The following PPP2R5C variants were observed in gnomAD, a reference collection of about 807,000 sequenced individuals.
PPP2R5C encodes the protein protein phosphatase 2 regulatory subunit B'gamma.
A neutral mutation model predicts 68.9 loss-of-function variants in PPP2R5C; 7 were observed. The observed-to-expected ratio is 0.10, with a 90% confidence interval of 0.06 to 0.19. The LOEUF is 0.19. Ranked by LOEUF, PPP2R5C falls within the 10% of genes least tolerant of loss-of-function variation. PPP2R5C has a pLI of 1.00. For missense variants in PPP2R5C, 348 were observed against 641.3 expected, an observed-to-expected ratio of 0.54 and a Z score of 4.94; for synonymous variants, 210 against 222.2, an observed-to-expected ratio of 0.95 and a Z score of 0.49.
At chr14:101,817,530 A>T (rs933902138) in intron 1 of PPP2R5C, among the ~76,000 whole-genome samples, 10 of 152,088 alleles carry the variant, frequency 6.6e-5, no homozygotes, top group African/African-American at 2.4e-4. Flanking sequence ...ACCGTTTTTG[A>T]TGTTTATTGG....
intron 2 of PPP2R5C, among the ~76,000 whole-genome samples, chr14:101,870,740 C>T (rs2043352594): frequency 6.6e-6 from 1 of 152,204 alleles, no homozygotes; most frequent in Non-Finnish European, 1.5e-5. Context: ...CCATTGACCT[C>T]TTAACAGTGT....
intron 13 of PPP2R5C, among the ~76,000 whole-genome samples, chr14:101,922,884 TTAAG>T (rs1301388041): frequency 2.6e-5 from 4 of 152,174 alleles, no homozygotes; most frequent in Non-Finnish European, 5.9e-5. Flanking sequence ...CTATCTGAAA[TTAAG>T]TAGTAAAGTT....
At chr14:101,817,325 A>G (rs2039784046) in intron 1 of PPP2R5C, among the ~76,000 whole-genome samples, 1 of 152,154 alleles carries the variant, frequency 6.6e-6, no homozygotes, top group Admixed American at 6.5e-5. Context: ...GGTGAAGGAA[A>G]TATCTTTAAA....
Position 101,823,960 on chromosome 14 carries a change from G to C in PPP2R5C, c.94+13924G>C, listed in dbSNP as rs2040243109. 2.3e-6 allele frequency: 3 copies of C among 1,288,638 alleles called. No homozygotes were observed. The South Asian group carries it at 3.7e-5, about 16-fold the overall frequency. The allele number at this position is 1,288,638 out of a possible 1,614,324, so 79.8% of individuals were successfully genotyped here. On this transcript the variant is annotated intron_variant, in intron 1 of 13. Coordinates refer to ENST00000334743, the Ensembl canonical transcript of PPP2R5C. ...CACGAAGGTAAGGTTGTACTTTTAGGGTTTGTGGTTATGGATGAAATTAAC... is the reference window on the plus strand; with the variant it reads ...CACGAAGGTAAGGTTGTACTTTTAGCGTTTGTGGTTATGGATGAAATTAAC...
At chr14:101,856,507 C>CGACTAGCT (rs145275498) in intron 1 of PPP2R5C, among the ~76,000 whole-genome samples, 179 bp from the exon 4 acceptor site, 8,130 of 152,222 alleles carry the variant, frequency 0.053, 282 homozygotes, top group African/African-American at 0.089. Flanking sequence ...ATATGACCAG[C>CGACTAGCT]GACTAGCTGG....
intron 1 of PPP2R5C, among the ~76,000 whole-genome samples, chr14:101,845,838 C>T (rs545865264): frequency 6.6e-6 from 1 of 152,144 alleles, no homozygotes; most frequent in Non-Finnish European, 1.5e-5. Flanking sequence ...GCTGGATAAA[C>T]CACAGCATTG....
At chr14:101,794,316 C>T (rs1422903824) in intron 3 of PPP2R5C, among the ~76,000 whole-genome samples, 3 of 152,020 alleles carry the variant, frequency 2.0e-5, no homozygotes, top group African/African-American at 7.3e-5. Context: ...TAAACAGTTC[C>T]CAAAAACAAT....
chr14:101,812,030 A>G (rs974502387), intron 1 of PPP2R5C, among the ~76,000 whole-genome samples: 23 of 152,244 alleles, frequency 1.5e-4, no homozygotes, highest in African/African-American at 5.1e-4. Context: ...ACCTAAGACT[A>G]ACTTCTGACT....
rs2044295403 is a variant in PPP2R5C, at chr14:101,883,613, C to T, written c.629+51C>T. ...CCTTGTGTGTGGTGATGCTCATTTC[C>T]CCCCTCGATGCTCCCCTACCCCATC... On this transcript the variant is annotated intron_variant, in intron 5 of 13. Coordinates refer to ENST00000334743, the Ensembl canonical transcript of PPP2R5C. The T allele has an allele frequency of 2.5e-6, 4 of 1,592,436 alleles. No homozygotes were observed. In the African/African-American group the frequency reaches 5.4e-5, roughly 22 times the overall value.
chr14:101,872,526 G>T (rs1445934905), intron 2 of PPP2R5C, among the ~76,000 whole-genome samples: 1 of 152,080 alleles, frequency 6.6e-6, no homozygotes, highest in East Asian at 1.9e-4. Flanking sequence ...GGGTGAGCCT[G>T]GTCTTGCCTT....
At chr14:101,767,999 G>T (rs1028903648) in intron 2 of PPP2R5C, among the ~76,000 whole-genome samples, 1 of 152,186 alleles carries the variant, frequency 6.6e-6, no homozygotes, top group African/African-American at 2.4e-5. Flanking sequence ...TAGACCAAGG[G>T]TTCCCATCTG....
At chr14:101,793,632 G>T (rs889035953) in intron 3 of PPP2R5C, among the ~76,000 whole-genome samples, 1 of 152,232 alleles carries the variant, frequency 6.6e-6, no homozygotes, top group African/African-American at 2.4e-5. Flanking sequence ...AAGTGTTGCA[G>T]TACTCTTTTA....
intron 1 of PPP2R5C, among the ~76,000 whole-genome samples, chr14:101,832,230 T>C (rs2040792251): frequency 6.6e-6 from 1 of 152,236 alleles, no homozygotes; most frequent in Admixed American, 6.5e-5. Flanking sequence ...TTATCTTCTT[T>C]CTTCGTACTG....
intron 13 of PPP2R5C, among the ~76,000 whole-genome samples, chr14:101,918,455 CT>C (rs1460183952): frequency 1.4e-5 from 1 of 72,278 alleles, no homozygotes; most frequent in African/African-American, 6.3e-5. Context: ...CCCTCACCCC[CT>C]TCATCCCCCT....
chr14:101,909,294 G>A (rs1024559654), intron 10 of PPP2R5C, among the ~76,000 whole-genome samples: 6 of 152,096 alleles, frequency 3.9e-5, no homozygotes, highest in African/African-American at 1.2e-4. Context: ...AACTATATTT[G>A]TTCAAGTTTC....
At position 101,797,415 on chromosome 14, in the gene PPP2R5C, G is replaced by T; in HGVS notation, c.259+11232G>T. On this transcript the variant is annotated intron_variant, in intron 3 of 14. Transcript: ENST00000328724. The surrounding 1 kb of genome is among the most constrained non-coding windows in gnomAD (Gnocchi z 4.2). ...GCCTGTGTCATCCATTCGAGCATCT[G>T]CCAAGGACCCAGGAAACACACAGTG... 2.4e-6 allele frequency: 1 copy of T among 409,814 alleles called. No homozygotes were observed. The highest frequency in any genetic ancestry group is 5.0e-6 in the Non-Finnish European group (1 of 199,790). The allele number at this position is 409,814 out of a possible 1,614,324, so 25.4% of individuals were successfully genotyped here.
chr14:101,901,684 G>A (rs760583369), intron 8 of PPP2R5C, 35 bp from the exon 11 acceptor site: 25 of 1,607,126 alleles, frequency 1.6e-5, no homozygotes, highest in East Asian at 8.9e-5. Context: ...GGGCCTCGTG[G>A]GCATCAGTCA....
chr14:101,810,179 GT>G, intron 1 of PPP2R5C: 1 of 727,286 alleles, frequency 1.4e-6, no homozygotes, highest in Non-Finnish European at 2.3e-6. Flanking sequence ...AGGAGGTTGG[GT>G]GTGTCACTGC....
chr14:101,797,629 C>T lies in PPP2R5C; in HGVS notation c.259+11446C>T, dbSNP rs1194526697. 4.4e-6 allele frequency: 1 copy of T among 229,100 alleles called. No homozygotes were observed. The highest frequency in any genetic ancestry group is 8.9e-6 in the Non-Finnish European group (1 of 112,088). The allele number at this position is 229,100 out of a possible 1,614,324, so 14.2% of individuals were successfully genotyped here. A position where few individuals can be genotyped will look rare whatever the true frequency, so the allele number is the denominator to read the frequency against. ...AAAATGAGGCTCCTGACTCACTTGA[C>T]CTACTGCGTAGGCTCCTAAAAGGGT... is the stretch of plus-strand genomic sequence containing the variant. On this transcript the variant is annotated intron_variant, in intron 3 of 14. Coordinates refer to the PPP2R5C transcript ENST00000328724. The surrounding 1 kb of genome is among the most constrained non-coding windows in gnomAD (Gnocchi z 4.2).
Sources: allele counts gnomAD v4.1 joint callset (sites outside exome capture counted in the v4.1 genomes callset), GRCh38; gene constraint gnomAD v4.1.1; non-coding constraint Gnocchi (gnomAD v3.1); transcripts MANE v1.5; gene names NCBI Gene and HGNC (gene_info 2026-07-23, HGNC 2026-07-21).